Variants in COG5 observed in about 807,000 individuals in gnomAD.
COG5 encodes conserved oligomeric Golgi complex subunit 5.
COG5 carries 86 observed loss-of-function variants against 110.4 expected under a neutral mutation model. The observed-to-expected ratio is 0.78, with a 90% CI of 0.65 to 0.93. The LOEUF (loss-of-function observed/expected upper bound fraction) is 0.93, where lower values mean the gene tolerates loss of function less well. COG5 is among the 40% of genes least tolerant of loss of function. The pLI, the probability that COG5 is intolerant of heterozygous loss-of-function variation, is 0.00. For synonymous variants in COG5, 360 were observed against 334.6 expected (o/e 1.08, Z -0.83); for missense variants, 1,077 against 987.0 (o/e 1.09, Z -1.22).
intron 5 of COG5, among the ~76,000 whole-genome samples, chr7:107,539,623 A>G (rs1299568636): frequency 6.6e-6 from 1 of 152,180 alleles, no homozygotes; most frequent in Non-Finnish European, 1.5e-5. Context: ...ATTAGATAAT[A>G]TTATAGTATA....
In COG5 at chr7:107,285,740, G is replaced by A. The variant is rs537484194; in HGVS notation, c.1314-2008C>T. Among the ~76,000 whole-genome samples, 9 of 151,970 alleles carry A rather than the reference G, an allele frequency of 5.9e-5. No individual in the cohort carries two copies. The East Asian group carries it at 1.8e-3, about 30-fold the overall frequency. On this transcript the variant is annotated intron_variant, in intron 12 of 21. Coordinates refer to ENST00000297135, the MANE Select transcript of COG5 (RefSeq NM_006348.5). ...GCCGGACCTGGTGGCATGGTGGCAT[G>A]TGCCTGTAATCCCAGCTACTCAGGA...
intron 16 of COG5, among the ~76,000 whole-genome samples, chr7:107,250,230 G>A (rs1802390701): frequency 1.3e-5 from 2 of 152,136 alleles, no homozygotes; most frequent in African/African-American, 4.8e-5. Context: ...GAGAGCCAGA[G>A]AAGACCGCCT....
chr7:107,310,426 T>C (rs1584658762), intron 11 of COG5, among the ~76,000 whole-genome samples: 1 of 152,202 alleles, frequency 6.6e-6, no homozygotes, highest in South Asian at 2.1e-4. Context: ...TACATCAGTA[T>C]TATTCTGCTA....
At chr7:107,324,974 C>T (rs570234131) in intron 10 of COG5, among the ~76,000 whole-genome samples, 1 of 152,070 alleles carries the variant, frequency 6.6e-6, no homozygotes, top group Admixed American at 6.5e-5. Flanking sequence ...GTGACTATAA[C>T]AAAATGATAG....
At chr7:107,246,985 A>G (rs1249346169) in intron 17 of COG5, among the ~76,000 whole-genome samples, 1 of 152,204 alleles carries the variant, frequency 6.6e-6, no homozygotes, top group Non-Finnish European at 1.5e-5. Context: ...CCCATCAATG[A>G]CATAGTGGAT....
At chr7:107,516,114 A>C (rs1799903472) in intron 6 of COG5, among the ~76,000 whole-genome samples, 1 of 152,268 alleles carries the variant, frequency 6.6e-6, no homozygotes, top group African/African-American at 2.4e-5. Flanking sequence ...TTAAACTATT[A>C]CATAATAACC....
chr7:107,549,199 C>T (rs988785336), intron 3 of COG5: 1 of 152,118 alleles, frequency 6.6e-6, no homozygotes, highest in South Asian at 2.1e-4. Context: ...TTACTTATAA[C>T]CATTTTCTTA....
intron 6 of COG5, among the ~76,000 whole-genome samples, chr7:107,496,762 G>A (rs886212586): frequency 6.6e-6 from 1 of 151,354 alleles, no homozygotes; most frequent in South Asian, 2.1e-4. Flanking sequence ...GATGCAGGAA[G>A]AGCACCCCAA....
At chr7:107,347,678 A>G (rs1562980776) in intron 10 of COG5, among the ~76,000 whole-genome samples, 2 of 152,214 alleles carry the variant, frequency 1.3e-5, no homozygotes, top group Admixed American at 1.3e-4. Flanking sequence ...TCACATCACT[A>G]TGTACTCTAT....
At chr7:107,285,177 G>A (rs1162775734) in intron 12 of COG5, among the ~76,000 whole-genome samples, 1 of 152,176 alleles carries the variant, frequency 6.6e-6, no homozygotes, top group Non-Finnish European at 1.5e-5. Context: ...GAAGAAATTG[G>A]CAGGTAAAAT....
intron 6 of COG5, among the ~76,000 whole-genome samples, chr7:107,494,833 G>A (rs946344706): frequency 6.6e-6 from 1 of 152,092 alleles, no homozygotes; most frequent in African/African-American, 2.4e-5. Flanking sequence ...CCCATTCCAA[G>A]TCCCATAGAT....
chr7:107,544,372 G>C (rs1281811218), intron 5 of COG5, among the ~76,000 whole-genome samples: 1 of 152,236 alleles, frequency 6.6e-6, no homozygotes, highest in African/African-American at 2.4e-5. Flanking sequence ...CCAGGCTTCA[G>C]ACCAGCTCTT....
chr7:107,554,271 T>C lies in COG5; in HGVS notation c.292+14A>G, dbSNP rs374007477. The C allele has an allele frequency of 8.9e-5, 143 of 1,611,228 alleles. No homozygotes were observed. The highest frequency in any genetic ancestry group is 1.1e-4 in the Non-Finnish European group (129 of 1,177,358). On this transcript the variant is annotated intron_variant, in intron 3 of 21. Coordinates refer to ENST00000297135, the MANE Select transcript of COG5 (RefSeq NM_006348.5). ...CTAGCTCTACATAATCTCTAGCAGT[T>C]ATTAGAAATATACCTTCCAACGACT...
intron 17 of COG5, among the ~76,000 whole-genome samples, chr7:107,238,297 A>G (rs1375379188): frequency 6.6e-6 from 1 of 152,152 alleles, no homozygotes; most frequent in Non-Finnish European, 1.5e-5. Context: ...CTGTAGGTTC[A>G]TCTATTTGTT....
chr7:107,323,480 G>A (rs550819456), intron 11 of COG5, among the ~76,000 whole-genome samples: 15 of 152,268 alleles, frequency 9.9e-5, no homozygotes, highest in African/African-American at 3.6e-4. Context: ...GCAGTGAGCC[G>A]AGATCACGTG....
At chr7:107,341,158 G>C (rs1811139798) in intron 10 of COG5, among the ~76,000 whole-genome samples, 2 of 152,100 alleles carry the variant, frequency 1.3e-5, no homozygotes, top group South Asian at 4.1e-4. Context: ...TCCAGGAACT[G>C]ACAAGTGATT....
At chr7:107,336,300 A>T (rs1810692558) in intron 10 of COG5, among the ~76,000 whole-genome samples, 1 of 152,220 alleles carries the variant, frequency 6.6e-6, no homozygotes, top group African/African-American at 2.4e-5. Context: ...CAGAAACAGA[A>T]ATATTGCATA....
At chr7:107,247,178 C>T (rs1462382229) in intron 17 of COG5, among the ~76,000 whole-genome samples, 10 of 151,942 alleles carry the variant, frequency 6.6e-5, no homozygotes, top group East Asian at 5.8e-4. Flanking sequence ...TGAGAACTTA[C>T]GAACACAAAG....
At chr7:107,420,856 T>C (rs1360750490) in intron 6 of COG5, among the ~76,000 whole-genome samples, 2 of 152,254 alleles carry the variant, frequency 1.3e-5, no homozygotes, top group Non-Finnish European at 1.5e-5. Context: ...TTTAGCTGAA[T>C]CTTTATATTT....
Sources: allele counts gnomAD v4.1 joint callset (sites outside exome capture counted in the v4.1 genomes callset), GRCh38; gene constraint gnomAD v4.1.1; transcripts MANE v1.5; gene names NCBI Gene and HGNC (gene_info 2026-07-23, HGNC 2026-07-21).